The following RNF130 variants were observed in gnomAD, a reference collection of about 807,000 sequenced individuals.
The protein encoded by RNF130 is E3 ubiquitin-protein ligase RNF130.
RNF130 carries 21 observed loss-of-function variants against 44.6 expected under a neutral mutation model. The observed-to-expected ratio is 0.47, with a 90% CI of 0.33 to 0.68. The LOEUF is 0.68. Ranked by LOEUF, RNF130 falls within the 30% of genes least tolerant of loss-of-function variation. RNF130 has a pLI of 0.02. For missense variants in RNF130, 479 were observed against 560.6 expected, an observed-to-expected ratio of 0.85 and a Z score of 1.47; for synonymous variants, 214 against 210.4, an observed-to-expected ratio of 1.02 and a Z score of -0.15.
At chr5:179,937,450 G>A (rs1761908091) in intron 7 of RNF130, among the ~76,000 whole-genome samples, 1 of 152,134 alleles carries the variant, frequency 6.6e-6, no homozygotes, top group Non-Finnish European at 1.5e-5. Flanking sequence ...GTAAAAAGAT[G>A]CTCAGCATCA....
intron 7 of RNF130, among the ~76,000 whole-genome samples, chr5:179,949,350 G>A (rs1194790927): frequency 6.6e-6 from 1 of 150,632 alleles, no homozygotes; most frequent in Non-Finnish European, 1.5e-5. Context: ...CTATATCCTT[G>A]AACTCTTGGG....
chr5:179,999,745 T>C (rs1763291369), intron 3 of RNF130, among the ~76,000 whole-genome samples: 1 of 152,112 alleles, frequency 6.6e-6, no homozygotes, highest in African/African-American at 2.4e-5. Flanking sequence ...AAAAAAGAAG[T>C]GAAGTGAGTT....
chr5:180,005,829 G>A (rs911705606), intron 3 of RNF130, among the ~76,000 whole-genome samples: 1 of 152,112 alleles, frequency 6.6e-6, no homozygotes, highest in Non-Finnish European at 1.5e-5. Flanking sequence ...GCTCATTCTT[G>A]AATTCATTGA....
rs61340522 is a variant in RNF130 at position 180,051,238 on chromosome 5, ATATTTATT to A, written c.248-10599_248-10592del. On this transcript the variant is annotated intron_variant, in intron 1 of 8. Transcript: ENST00000521389. ...ATTATCACCTTTTTGTATAGATATTATATTTATTTATTTATTTATTTATTTATTTGAGA... is the reference window on the plus strand; with the variant it reads ...ATTATCACCTTTTTGTATAGATATTATATTTATTTATTTATTTATTTGAGA... Among the ~76,000 whole-genome samples, 12 of 144,158 alleles carry A rather than the reference ATATTTATT, an allele frequency of 8.3e-5. No individual in the cohort carries two copies. In the East Asian group the frequency reaches 1.6e-3, roughly 20 times the overall value. The allele number at this position is 144,158 out of a possible 152,430, so 94.6% of individuals were successfully genotyped here.
At chr5:179,919,590 G>T (rs979594881) in exon 8 of RNF130, 15 of 152,424 alleles carry the variant, frequency 9.8e-5, no homozygotes, top group African/African-American at 3.6e-4. Context: ...TTCACAGGCT[G>T]CAGGGACGGA....
chr5:180,036,458 CCA>C (rs1764251630), intron 2 of RNF130, among the ~76,000 whole-genome samples: 1 of 152,184 alleles, frequency 6.6e-6, no homozygotes. Flanking sequence ...GCAGCCTGCT[CCA>C]CACTGGCAGA....
intron 7 of RNF130, among the ~76,000 whole-genome samples, chr5:179,924,791 A>C (rs1351602714): frequency 6.6e-6 from 1 of 152,202 alleles, no homozygotes. Flanking sequence ...TATCTCAAAA[A>C]AAAATTAAAT....
At chr5:179,942,993 G>A (rs568176485) in intron 7 of RNF130, among the ~76,000 whole-genome samples, 153 of 152,240 alleles carry the variant, frequency 1.0e-3, no homozygotes, top group African/African-American at 3.5e-3. Flanking sequence ...TCAAGAGATC[G>A]AGACCATCCT....
At chr5:180,069,560 A>C (rs1189597795) in intron 1 of RNF130, among the ~76,000 whole-genome samples, 1 of 152,208 alleles carries the variant, frequency 6.6e-6, no homozygotes, top group African/African-American at 2.4e-5. Context: ...ATTTTGTTGC[A>C]GTGTCTGAAA....
intron 2 of RNF130, among the ~76,000 whole-genome samples, chr5:180,017,727 T>C (rs1250294283): frequency 6.6e-6 from 1 of 152,192 alleles, no homozygotes; most frequent in Non-Finnish European, 1.5e-5. Flanking sequence ...GAAAATATGA[T>C]AATACTGCTA....
In RNF130 at chr5:179,934,714, T is replaced by A. The variant is rs1197858433; in HGVS notation, c.1151-14288A>T. ...TGCGCCACCACATCCGGCTACTTTA[T>A]TTTTATTCTTGTAGAGATTTTTCTT... On this transcript the variant is annotated intron_variant, in intron 7 of 7. Coordinates refer to the RNF130 transcript ENST00000522208. Among the ~76,000 whole-genome samples, 3 of 151,944 alleles carry A rather than the reference T, an allele frequency of 2.0e-5. No homozygotes were observed. The East Asian group carries it at 5.8e-4, about 29-fold the overall frequency.
At chr5:179,974,233 G>A (rs993034865) in intron 5 of RNF130, among the ~76,000 whole-genome samples, 1 of 152,194 alleles carries the variant, frequency 6.6e-6, no homozygotes, top group Non-Finnish European at 1.5e-5. Context: ...ATCTGCAGCG[G>A]CCGGCCCCCC....
At chr5:179,931,032 C>CAAAAAAAAAAAA in intron 7 of RNF130, among the ~76,000 whole-genome samples, 1 of 74,302 alleles carries the variant, frequency 1.3e-5, no homozygotes. Flanking sequence ...ACCTCTGTCT[C>CAAAAAAAAAAAA]AAAAAAAAAA....
chr5:179,958,540 T>A (rs925173599), intron 8 of RNF130, among the ~76,000 whole-genome samples: 15 of 152,178 alleles, frequency 9.9e-5, no homozygotes, highest in Non-Finnish European at 8.8e-5. Context: ...ACAGGACGCA[T>A]CTCAGAGCCT....
At chr5:180,025,458 T>C (rs1438631246) in intron 2 of RNF130, among the ~76,000 whole-genome samples, 1 of 152,222 alleles carries the variant, frequency 6.6e-6, no homozygotes, top group Non-Finnish European at 1.5e-5. Context: ...GACAGTCTCA[T>C]GTATCTGCTG....
chr5:179,932,502 C>A (rs898040137), intron 7 of RNF130, among the ~76,000 whole-genome samples: 4 of 151,696 alleles, frequency 2.6e-5, no homozygotes, highest in African/African-American at 9.7e-5. Context: ...TCAAATGATC[C>A]GCCCGCCTCA....
chr5:179,980,153 G>T lies in RNF130; in HGVS notation c.741C>A (p.Thr247=). 1 of 1,614,054 alleles carries T rather than the reference G, an allele frequency of 6.2e-7. No homozygotes were observed. The highest frequency in any genetic ancestry group is 8.5e-7 in the Non-Finnish European group (1 of 1,179,968). The change falls in exon 4 of 9, where the codon ACC becomes ACA. Residue 247 remains threonine, a synonymous_variant. Transcript: ENST00000521389. The stretch of plus-strand genomic sequence containing the variant: ...CCTTGTCACCCTTCTTTACTGTCCT[G>T]GTTGTCAATTTACTGATGGCTTTCT... ...AAKKAISKLT[T]RTVKKGDKET...
downstream of RNF130, among the ~76,000 whole-genome samples, chr5:179,951,962 C>T (rs1168132178): frequency 2.6e-5 from 4 of 152,168 alleles, no homozygotes; most frequent in East Asian, 3.9e-4. Context: ...AAAAAGACCT[C>T]AAATCAATAA....
downstream of RNF130, among the ~76,000 whole-genome samples, chr5:179,951,845 A>T (rs1762131242): frequency 6.6e-6 from 1 of 152,190 alleles, no homozygotes; most frequent in South Asian, 2.1e-4. Context: ...AAGAAATAAC[A>T]GGGGGAAACC....
Sources: gnomAD v4.1 joint callset for allele counts (sites outside exome capture counted in the v4.1 genomes callset) on GRCh38, gnomAD v4.1.1 for gene constraint, MANE v1.5 for transcripts, NCBI Gene and HGNC (gene_info 2026-07-23, HGNC 2026-07-21) for gene names.